Variants in LTBP1 observed in about 807,000 individuals in gnomAD.
LTBP1 encodes the protein latent transforming growth factor beta binding protein 1.
LTBP1 carries 129 observed loss-of-function variants against 207.6 expected under a neutral mutation model. That is an observed-to-expected ratio of 0.62 (90% CI 0.54 to 0.72). LTBP1 has a LOEUF of 0.72. LTBP1 is among the 30% of genes least tolerant of loss of function. The probability of loss-of-function intolerance (pLI) is 0.00; values close to 1 mark genes in which losing one functional copy is unlikely to be tolerated. For missense variants in LTBP1, 2,281 were observed against 2,217.2 expected, an observed-to-expected ratio of 1.03 and a Z score of -0.58; for synonymous variants, 963 against 833.7, an observed-to-expected ratio of 1.16 and a Z score of -2.67.
At chr2:33,044,164 A>C (rs547745345) in intron 3 of LTBP1, among the ~76,000 whole-genome samples, 1 of 152,080 alleles carries the variant, frequency 6.6e-6, no homozygotes, top group East Asian at 1.9e-4. Context: ...TCTGGGATAC[A>C]TGTGCAGAAC....
At chr2:33,052,484 A>T (rs914978540) in intron 3 of LTBP1, among the ~76,000 whole-genome samples, 3 of 152,356 alleles carry the variant, frequency 2.0e-5, no homozygotes, top group East Asian at 3.9e-4. Flanking sequence ...GGATTTTTTT[A>T]AAAACCGAAA....
intron 2 of LTBP1, among the ~76,000 whole-genome samples, chr2:33,014,452 A>G (rs1292262796): frequency 6.6e-6 from 1 of 152,184 alleles, no homozygotes; most frequent in African/African-American, 2.4e-5. Context: ...GCAGCTGGGA[A>G]TTACTGTGAA....
chr2:33,096,929 G>T (rs1001467794), intron 3 of LTBP1, among the ~76,000 whole-genome samples: 1 of 152,208 alleles, frequency 6.6e-6, no homozygotes, highest in Non-Finnish European at 1.5e-5. Flanking sequence ...GCAGGTGGTG[G>T]TGGTGGTTTT....
intron 4 of LTBP1, among the ~76,000 whole-genome samples, chr2:33,130,307 T>C (rs935273191): frequency 1.3e-5 from 2 of 152,174 alleles, no homozygotes; most frequent in Non-Finnish European, 1.5e-5. Context: ...TCCCAGAGGA[T>C]ATTGCCTGTG....
intron 5 of LTBP1, among the ~76,000 whole-genome samples, chr2:33,158,744 C>G (rs2148045642): frequency 6.6e-6 from 1 of 152,172 alleles, no homozygotes; most frequent in East Asian, 1.9e-4. Context: ...AATATAAACT[C>G]AAGTCTCTTG....
Position 33,321,748 on chromosome 2 carries a change from G to A in LTBP1, c.3730+6479G>A, listed in dbSNP as rs559414499. On this transcript the variant is annotated intron_variant, in intron 24 of 33. Transcript: ENST00000404816. ...GCCCAAGATTTTCAGGTTTTTAAGA[G>A]TTTTCGGGTCTGAAACTGAAAACTG... Among the ~76,000 whole-genome samples the A allele has an allele frequency of 2.0e-5, 3 of 152,270 alleles. No homozygotes were observed. In the South Asian group the frequency reaches 6.2e-4, roughly 32 times the overall value.
chr2:33,194,671 A>G (rs1450163816), intron 7 of LTBP1, among the ~76,000 whole-genome samples: 2 of 152,246 alleles, frequency 1.3e-5, no homozygotes, highest in Admixed American at 1.3e-4. Flanking sequence ...AGCCATCTGC[A>G]TACCATAAAA....
At chr2:33,049,432 A>G (rs1317972336) in intron 3 of LTBP1, among the ~76,000 whole-genome samples, 1 of 152,190 alleles carries the variant, frequency 6.6e-6, no homozygotes, top group Non-Finnish European at 1.5e-5. Flanking sequence ...TTTTTCAAAT[A>G]TCTCTTTTGA....
At chr2:33,230,689 A>C (rs2091735177) in intron 9 of LTBP1, among the ~76,000 whole-genome samples, 1 of 152,152 alleles carries the variant, frequency 6.6e-6, no homozygotes, top group African/African-American at 2.4e-5. Context: ...TCTTTTGTCC[A>C]TATTTTGCCA....
intron 10 of LTBP1, among the ~76,000 whole-genome samples, chr2:33,247,551 A>T: frequency 6.6e-6 from 1 of 152,264 alleles, no homozygotes; most frequent in East Asian, 1.9e-4. Context: ...TGTATTACAA[A>T]GACAGAGTTG....
intron 5 of LTBP1, 84 bp from the exon 6 acceptor site, chr2:33,186,772 A>T: frequency 9.9e-7 from 1 of 1,014,306 alleles, no homozygotes; most frequent in Non-Finnish European, 1.5e-6. Context: ...AATGGGCTGT[A>T]TGTTTTGCAG....
At chr2:33,327,562 T>G (rs2094443266) in intron 24 of LTBP1, among the ~76,000 whole-genome samples, 1 of 152,166 alleles carries the variant, frequency 6.6e-6, no homozygotes, top group Non-Finnish European at 1.5e-5. Context: ...TTGCTTATAT[T>G]CCTATTTTAA....
At chr2:33,070,877 G>T (rs1383159513) in intron 3 of LTBP1, among the ~76,000 whole-genome samples, 1 of 152,172 alleles carries the variant, frequency 6.6e-6, no homozygotes. Context: ...TTGGCCACGG[G>T]CTATGAGATC....
At chr2:33,101,139 T>C (rs1343056505) in intron 3 of LTBP1, among the ~76,000 whole-genome samples, 1 of 152,196 alleles carries the variant, frequency 6.6e-6, no homozygotes, top group Non-Finnish European at 1.5e-5. Context: ...TAGGGCTAGG[T>C]TCCTTGACTC....
At chr2:33,276,046 G>A in intron 18 of LTBP1, 123 bp downstream of exon 18, 1 of 1,239,632 alleles carries the variant, frequency 8.1e-7, no homozygotes, top group South Asian at 1.8e-5. Flanking sequence ...AGCTCTTTCT[G>A]CTTCCTAGAT....
At position 33,249,851 on chromosome 2, in the gene LTBP1, A is replaced by G. The variant is rs547684861; in HGVS notation, c.2000-2826A>G. 9.8e-5 allele frequency among the ~76,000 whole-genome samples: 15 copies of G among 152,318 alleles called. No individual in the cohort carries two copies. In the South Asian group the frequency reaches 3.1e-3, roughly 32 times the overall value. Reference sequence around the variant, plus strand: ...CAGGCACCCTTTATTATCACTCCTCAGTTTTATTCGATTCTACAGCTGCTT... The same window carrying G: ...CAGGCACCCTTTATTATCACTCCTCGGTTTTATTCGATTCTACAGCTGCTT... On this transcript the variant is annotated intron_variant, in intron 10 of 33. Transcript: ENST00000404816.
At chr2:33,372,782 T>G (rs531912039) in intron 31 of LTBP1, among the ~76,000 whole-genome samples, 1 of 152,254 alleles carries the variant, frequency 6.6e-6, no homozygotes, top group East Asian at 1.9e-4. Flanking sequence ...AAGAATTGCT[T>G]GAACCCAGGA....
chr2:33,033,923 T>A (rs932177809), intron 3 of LTBP1, among the ~76,000 whole-genome samples: 1 of 151,924 alleles, frequency 6.6e-6, no homozygotes, highest in Non-Finnish European at 1.5e-5. Context: ...GCCTCAGGAG[T>A]TATCGATGTG....
intron 2 of LTBP1, among the ~76,000 whole-genome samples, chr2:32,953,828 G>A (rs1367975742): frequency 7.2e-5 from 11 of 152,086 alleles, no homozygotes; most frequent in African/African-American, 2.2e-4. Flanking sequence ...AAACATGTTC[G>A]AGAGCTCAAA....
Sources: allele counts gnomAD v4.1 joint callset (sites outside exome capture counted in the v4.1 genomes callset), GRCh38; gene constraint gnomAD v4.1.1; transcripts MANE v1.5; gene names NCBI Gene and HGNC (gene_info 2026-07-23, HGNC 2026-07-21).